CENPH: variants seen among roughly 807,000 people sequenced by gnomAD.
CENPH encodes the protein centromere protein H.
A neutral mutation model predicts 42.9 loss-of-function variants in CENPH; 40 were observed. That is an observed-to-expected ratio of 0.93 (90% CI 0.72 to 1.21). The LOEUF (loss-of-function observed/expected upper bound fraction) is 1.21. Among genes scored for constraint, CENPH ranks in the 50% most tolerant of loss-of-function variants. CENPH has a pLI of 0.00. For missense variants in CENPH, 302 were observed against 292.9 expected, an observed-to-expected ratio of 1.03 and a Z score of -0.23; for synonymous variants, 88 against 96.5, an observed-to-expected ratio of 0.91 and a Z score of 0.52.
In CENPH at chr5:69,196,095, C is replaced by T. The variant is rs571727374; in HGVS notation, c.314+304C>T. Among the ~76,000 whole-genome samples, 15 of 152,188 alleles carry T rather than the reference C, an allele frequency of 9.9e-5. No homozygotes were observed. In the South Asian group the frequency reaches 2.1e-3, roughly 21 times the overall value. ...CTGGGACTACAGGCATGCAAAACCA[C>T]GCTTGGCTAATTTTTTTTATTTTTT... is the stretch of plus-strand genomic sequence containing the variant. On this transcript the variant is annotated intron_variant, in intron 4 of 8. Transcript: ENST00000283006.
At chr5:69,192,047 G>T (rs760408785) in intron 2 of CENPH, among the ~76,000 whole-genome samples, 197 bp downstream of exon 2, 2 of 152,042 alleles carry the variant, frequency 1.3e-5, no homozygotes, top group Non-Finnish European at 2.9e-5. Flanking sequence ...TACTGCGCCC[G>T]TCTAATTTTC....
intron 1 of CENPH, among the ~76,000 whole-genome samples, 189 bp from the exon 2 acceptor site, chr5:69,191,606 C>A (rs1384453219): frequency 6.6e-6 from 1 of 152,128 alleles, no homozygotes; most frequent in African/African-American, 2.4e-5. Context: ...CCTCTGAGGC[C>A]TTAAAGTTCT....
chr5:69,190,341 A>T (rs574235017), intron 1 of CENPH, among the ~76,000 whole-genome samples: 1 of 152,292 alleles, frequency 6.6e-6, no homozygotes, highest in Admixed American at 6.5e-5. Flanking sequence ...AATAGTTTTT[A>T]TGTTTAAGTG....
rs2112085580 is a variant in CENPH, at chr5:69,197,042, C to T, written c.315-11C>T. 6.5e-7 allele frequency: 1 copy of T among 1,532,350 alleles called. No individual in the cohort carries two copies. The highest frequency in any genetic ancestry group is 8.8e-7 in the Non-Finnish European group (1 of 1,142,486). 94.9% of individuals were successfully genotyped at this position (1,532,350 alleles called of 1,614,324 possible). A position where few individuals can be genotyped will look rare whatever the true frequency, so the allele number is the denominator to read the frequency against. ...CCATGTTTTATAATGCAAGCTTTTTCCCTCTCATAGGATGAGACTTTCAAC... is the reference window on the plus strand; with the variant it reads ...CCATGTTTTATAATGCAAGCTTTTTTCCTCTCATAGGATGAGACTTTCAAC... On this transcript the variant is annotated splice_polypyrimidine_tract_variant and intron_variant, in intron 4 of 8. Transcript: ENST00000283006.
At chr5:69,193,663 GTT>G (rs527294772) in intron 2 of CENPH, among the ~76,000 whole-genome samples, 6 of 135,464 alleles carry the variant, frequency 4.4e-5, no homozygotes, top group Admixed American at 1.5e-4. Context: ...TGTTTTTTCT[GTT>G]TTTTTTTTTT....
At chr5:69,198,372 C>T (rs931116725) in intron 5 of CENPH, among the ~76,000 whole-genome samples, 2 of 151,880 alleles carry the variant, frequency 1.3e-5, no homozygotes, top group African/African-American at 4.8e-5. Context: ...TCACTCCAAC[C>T]TCCATCTCTG....
chr5:69,205,303 C>G (rs1481438201), intron 7 of CENPH, among the ~76,000 whole-genome samples: 1 of 152,012 alleles, frequency 6.6e-6, no homozygotes, highest in East Asian at 1.9e-4. Flanking sequence ...TCTTGGCTCT[C>G]TGCAACCTCT....
At chr5:69,194,958 G>A (rs951789219) in intron 3 of CENPH, among the ~76,000 whole-genome samples, 5 of 150,304 alleles carry the variant, frequency 3.3e-5, no homozygotes, top group East Asian at 3.9e-4. Context: ...GGCCAGGCAC[G>A]GTGACTCATG....
At chr5:69,199,119 G>A (rs1748014767) in intron 5 of CENPH, among the ~76,000 whole-genome samples, 1 of 152,142 alleles carries the variant, frequency 6.6e-6, no homozygotes, top group Admixed American at 6.5e-5. Flanking sequence ...GAGTACTGTA[G>A]CCAAAGAGAG....
chr5:69,195,013 C>T (rs1336632749), intron 3 of CENPH, among the ~76,000 whole-genome samples: 3 of 151,680 alleles, frequency 2.0e-5, no homozygotes, highest in Non-Finnish European at 4.4e-5. Flanking sequence ...GTGGATCACC[C>T]GAGGTCGGGA....
intron 5 of CENPH, chr5:69,197,560 C>G (rs553652284): frequency 1.3e-5 from 2 of 152,170 alleles, no homozygotes; most frequent in East Asian, 1.9e-4. Context: ...GGACAAAAAA[C>G]CAAACACCGC....
intron 2 of CENPH, among the ~76,000 whole-genome samples, chr5:69,193,118 T>C (rs970906736): frequency 2.7e-5 from 4 of 150,042 alleles, no homozygotes; most frequent in African/African-American, 9.8e-5. Context: ...ACAAACAAAA[T>C]ATATATATAT....
At chr5:69,204,533 C>T (rs1748115482) in intron 7 of CENPH, among the ~76,000 whole-genome samples, 1 of 150,614 alleles carries the variant, frequency 6.6e-6, no homozygotes, top group South Asian at 2.1e-4. Flanking sequence ...CAACGATCCT[C>T]CTGCCTTGGA....
At chr5:69,194,587 T>A in intron 2 of CENPH, 60 bp from the exon 3 acceptor site, 1 of 967,626 alleles carries the variant, frequency 1.0e-6, no homozygotes, top group Middle Eastern at 2.2e-4. Context: ...TTACATTATA[T>A]TCCTTTTGGA....
chr5:69,190,917 T>G (rs868195495), intron 1 of CENPH, among the ~76,000 whole-genome samples: 4 of 152,114 alleles, frequency 2.6e-5, no homozygotes, highest in Non-Finnish European at 5.9e-5. Flanking sequence ...ATTACCATTT[T>G]TTTCTTTCTT....
intron 4 of CENPH, among the ~76,000 whole-genome samples, chr5:69,196,121 A>G (rs1428914118): frequency 6.6e-6 from 1 of 151,734 alleles, no homozygotes; most frequent in African/African-American, 2.4e-5. Flanking sequence ...TTTATTTTTT[A>G]TGGAGATGGG....
chr5:69,190,497 TCA>T (rs1212893684), intron 1 of CENPH, among the ~76,000 whole-genome samples: 4 of 152,198 alleles, frequency 2.6e-5, no homozygotes, highest in Admixed American at 2.6e-4. Context: ...ACCGTGTGAC[TCA>T]CAAACCCTAA....
intron 4 of CENPH, among the ~76,000 whole-genome samples, chr5:69,196,793 C>T (rs1747970906): frequency 6.6e-6 from 1 of 152,174 alleles, no homozygotes; most frequent in South Asian, 2.1e-4. Flanking sequence ...AGAACTCATT[C>T]AGCTCAGGCC....
At chr5:69,193,393 AG>A (rs145556193) in intron 2 of CENPH, among the ~76,000 whole-genome samples, 22,778 of 151,652 alleles carry the variant, frequency 0.15, 1,850 homozygotes, top group African/African-American at 0.2. Context: ...CAGCACTTTG[AG>A]GGGCCAAGGC....
Sources: allele counts gnomAD v4.1 joint callset (sites outside exome capture counted in the v4.1 genomes callset), GRCh38; gene constraint gnomAD v4.1.1; transcripts MANE v1.5; gene names NCBI Gene and HGNC (gene_info 2026-07-23, HGNC 2026-07-21).